Variants in QNG1 observed in about 807,000 individuals in gnomAD.
QNG1 encodes Q-nucleotide N-glycosylase 1, also known as queuosine 5'-phosphate N-glycosylase/hydrolase.
the QNG1 span, among the ~76,000 whole-genome samples, chr9:83,946,904 A>ATT: frequency 6.9e-6 from 1 of 145,048 alleles, no homozygotes; most frequent in Admixed American, 7.0e-5. Context: ...TGGCCTACAA[A>ATT]TTTTTTTTTT....
chr9:83,948,162 GCGA>G, the QNG1 span, among the ~76,000 whole-genome samples: 1 of 150,642 alleles, frequency 6.6e-6, no homozygotes, highest in African/African-American at 2.5e-5. Flanking sequence ...CTGTCCGGCC[GCGA>G]CCCCGTCTGG....
chr9:83,952,346 T>C, the QNG1 span, among the ~76,000 whole-genome samples: 2,107 of 152,338 alleles, frequency 0.014, 29 homozygotes, highest in South Asian at 0.034. Context: ...AAATGGTTTC[T>C]GTACCAATTT....
the QNG1 span, among the ~76,000 whole-genome samples, chr9:83,950,251 C>T: frequency 3.3e-5 from 5 of 151,806 alleles, no homozygotes; most frequent in African/African-American, 1.2e-4. Context: ...GGTTTCACCA[C>T]GTGTGCCAGG....
At chr9:83,945,750 G>A in the QNG1 span, among the ~76,000 whole-genome samples, 13 of 151,670 alleles carry the variant, frequency 8.6e-5, no homozygotes, top group Admixed American at 2.0e-4. Flanking sequence ...TACGGGCGCC[G>A]TCACCACGCC....
chr9:83,946,067 G>A, the QNG1 span, among the ~76,000 whole-genome samples: 2 of 151,992 alleles, frequency 1.3e-5, no homozygotes, highest in Non-Finnish European at 2.9e-5. Flanking sequence ...AGCACTTTGG[G>A]AGACTGAGAC....
At chr9:83,943,449 A>G in the QNG1 span, among the ~76,000 whole-genome samples, 5 of 152,050 alleles carry the variant, frequency 3.3e-5, no homozygotes, top group African/African-American at 1.2e-4. Flanking sequence ...GCAGCTTAAT[A>G]TGGCCATATG....
the QNG1 span, among the ~76,000 whole-genome samples, chr9:83,949,020 C>A: frequency 1.5e-5 from 2 of 129,356 alleles, no homozygotes; most frequent in African/African-American, 3.8e-5. Flanking sequence ...TATCTGCTGA[C>A]CTTCCCTCCA....
chr9:83,946,429 T>C, the QNG1 span, among the ~76,000 whole-genome samples: 1 of 152,212 alleles, frequency 6.6e-6, no homozygotes, highest in Non-Finnish European at 1.5e-5. Context: ...ATTAACTTAT[T>C]TTATGAAGAC....
the QNG1 span, chr9:83,955,361 C>A: frequency 1.9e-6 from 3 of 1,606,638 alleles, no homozygotes; most frequent in South Asian, 2.2e-5. Flanking sequence ...CTTCTAAAAT[C>A]CCCAACAGAA....
chr9:83,952,418 T>C, the QNG1 span, among the ~76,000 whole-genome samples: 1 of 152,206 alleles, frequency 6.6e-6, no homozygotes, highest in Admixed American at 6.5e-5. Flanking sequence ...TCCCAGAACT[T>C]TGGGAGGCCA....
chr9:83,956,592 C>A, the QNG1 span: 1 of 1,096,500 alleles, frequency 9.1e-7, no homozygotes, highest in South Asian at 1.6e-5. Flanking sequence ...ACCGCGCGAT[C>A]ACAGGGCCTA....
the QNG1 span, among the ~76,000 whole-genome samples, chr9:83,942,238 G>C: frequency 6.6e-6 from 1 of 152,170 alleles, no homozygotes; most frequent in East Asian, 1.9e-4. Flanking sequence ...GATAGAACAT[G>C]GACTTCAGAC....
At chr9:83,941,936 A>T in the QNG1 span, among the ~76,000 whole-genome samples, 1 of 152,144 alleles carries the variant, frequency 6.6e-6, no homozygotes, top group Non-Finnish European at 1.5e-5. Context: ...AGAGGATACA[A>T]AGAGACAGGA....
chr9:83,949,603 G>A, the QNG1 span, among the ~76,000 whole-genome samples: 9 of 151,984 alleles, frequency 5.9e-5, no homozygotes, highest in South Asian at 4.1e-4. Flanking sequence ...CCGAGTTCAC[G>A]CCATTGCACT....
At chr9:83,947,835 A>G in the QNG1 span, among the ~76,000 whole-genome samples, 5 of 152,330 alleles carry the variant, frequency 3.3e-5, no homozygotes, top group South Asian at 1.0e-3. Context: ...CCCAGGCTAG[A>G]GTGCAGTAGC....
At chr9:83,947,585 C>T in the QNG1 span, among the ~76,000 whole-genome samples, 2 of 152,242 alleles carry the variant, frequency 1.3e-5, no homozygotes, top group African/African-American at 2.4e-5. Context: ...ACCGTACTGC[C>T]GCCATCTCGG....
At chr9:83,953,346 C>A in the QNG1 span, among the ~76,000 whole-genome samples, 1 of 143,988 alleles carries the variant, frequency 6.9e-6, no homozygotes, top group Admixed American at 7.0e-5. Flanking sequence ...CAATTGAATT[C>A]TTTTTTTTTT....
the QNG1 span, among the ~76,000 whole-genome samples, chr9:83,942,592 A>G: frequency 2.0e-5 from 3 of 152,218 alleles, no homozygotes; most frequent in African/African-American, 7.2e-5. Flanking sequence ...AGCTGGTCCT[A>G]GATTTCACTT....
chr9:83,940,873 C>T, the QNG1 span, among the ~76,000 whole-genome samples: 7 of 152,346 alleles, frequency 4.6e-5, no homozygotes, highest in African/African-American at 1.4e-4. Flanking sequence ...CTCCCATGGG[C>T]TTAGGCACTG....
Sources: gnomAD v4.1 joint callset for allele counts (sites outside exome capture counted in the v4.1 genomes callset) on GRCh38, gnomAD v4.1.1 for gene constraint, MANE v1.5 for transcripts, NCBI Gene and HGNC (gene_info 2026-07-23, HGNC 2026-07-21) for gene names.